ABCE1: variants seen among roughly 807,000 people sequenced by gnomAD.
The protein encoded by ABCE1 is ATP binding cassette subfamily E member 1.
In ABCE1, 22 loss-of-function variants were observed where a neutral mutation model predicts 83.4. The ratio of observed to expected loss-of-function variants is 0.26; its 90% CI spans 0.19 to 0.38. The LOEUF is 0.38. ABCE1 is among the 10% of genes least tolerant of loss of function. The probability of loss-of-function intolerance (pLI) is 1.00; values close to 1 mark genes in which losing one functional copy is unlikely to be tolerated. For missense variants in ABCE1, 330 were observed against 721.9 expected (o/e 0.46, Z 6.22); for synonymous variants, 204 against 233.7 (o/e 0.87, Z 1.16).
chr4:145,102,305 CTT>C, intron 1 of ABCE1, among the ~76,000 whole-genome samples: 1 of 152,132 alleles, frequency 6.6e-6, no homozygotes, highest in Non-Finnish European at 1.5e-5. Flanking sequence ...ATAAGCAACT[CTT>C]TGAAGTAGTC....
chr4:145,113,914 A>G (rs982666174), intron 9 of ABCE1, among the ~76,000 whole-genome samples: 1 of 152,154 alleles, frequency 6.6e-6, no homozygotes, highest in Admixed American at 6.6e-5. Flanking sequence ...TGTGGAAAGA[A>G]GGTTCAGAAA....
intron 1 of ABCE1, among the ~76,000 whole-genome samples, chr4:145,103,622 T>C (rs1749214288): frequency 1.3e-5 from 2 of 152,334 alleles, no homozygotes; most frequent in Non-Finnish European, 1.5e-5. Context: ...TATAGTCAGA[T>C]GTACACGACG....
chr4:145,111,579 G>A (rs571347926), intron 8 of ABCE1, among the ~76,000 whole-genome samples: 41 of 152,048 alleles, frequency 2.7e-4, no homozygotes, highest in African/African-American at 8.2e-4. Context: ...CACCCACCTC[G>A]GCCTCCCAAA....
intron 9 of ABCE1, among the ~76,000 whole-genome samples, chr4:145,116,676 T>C (rs188586891): frequency 1.8e-4 from 27 of 152,084 alleles, no homozygotes; most frequent in African/African-American, 6.5e-4. Flanking sequence ...ACTGTATCAC[T>C]TCATTCAAAT....
At chr4:145,110,852 T>C (rs1182135736) in intron 7 of ABCE1, 116 bp from the exon 8 acceptor site, 5 of 660,394 alleles carry the variant, frequency 7.6e-6, no homozygotes, top group Non-Finnish European at 1.3e-5. Flanking sequence ...GTAATTGTTA[T>C]ATTTAAACAA....
chr4:145,126,864 G>C (rs1749901727), intron 17 of ABCE1, among the ~76,000 whole-genome samples: 1 of 152,062 alleles, frequency 6.6e-6, no homozygotes, highest in African/African-American at 2.4e-5. Flanking sequence ...TCTTGGCCAG[G>C]ATAGAGAAAT....
At chr4:145,105,460 A>C (rs1388990595) in intron 2 of ABCE1, 145 bp from the exon 3 acceptor site, 3 of 545,626 alleles carry the variant, frequency 5.5e-6, no homozygotes, top group African/African-American at 3.9e-5. Context: ...TTAAGACATT[A>C]TCTCAAATGT....
intron 8 of ABCE1, among the ~76,000 whole-genome samples, 161 bp from the exon 9 acceptor site, chr4:145,112,078 C>T (rs1353648146): frequency 1.3e-5 from 2 of 152,154 alleles, no homozygotes; most frequent in African/African-American, 4.8e-5. Context: ...GAACAGAATA[C>T]AGAAATTTTT....
intron 17 of ABCE1, 29 bp from the exon 18 acceptor site, chr4:145,127,497 A>AT (rs1251817651): frequency 6.3e-7 from 1 of 1,577,340 alleles, no homozygotes; most frequent in African/African-American, 1.4e-5. Flanking sequence ...CGTGTTGCTG[A>AT]TTTTTGTGGC....
In ABCE1 at chr4:145,101,836, A is replaced by G. The variant is rs1749162625; in HGVS notation, c.-27-2550A>G. Among the ~76,000 whole-genome samples, 5 of 152,290 alleles carry G rather than the reference A, an allele frequency of 3.3e-5. No homozygotes were observed. The South Asian group carries it at 1.0e-3, about 32-fold the overall frequency. On this transcript the variant is annotated intron_variant, in intron 1 of 17. Transcript: ENST00000296577. The stretch of plus-strand genomic sequence containing the variant: ...GGAGCTTAGTTGGGAGATTCCTCTT[A>G]AGCCTTCCAGAGATGTTAGGTGGGC...
chr4:145,116,497 T>C (rs1749609588), intron 9 of ABCE1, among the ~76,000 whole-genome samples: 1 of 151,890 alleles, frequency 6.6e-6, no homozygotes, highest in African/African-American at 2.4e-5. Flanking sequence ...AATACAAATA[T>C]GGAGAATTTT....
chr4:145,109,982 A>G (rs1269736548), intron 5 of ABCE1, 121 bp from the exon 6 acceptor site: 2 of 880,478 alleles, frequency 2.3e-6, no homozygotes, highest in Non-Finnish European at 3.3e-6. Context: ...TTCGCCTCCA[A>G]CCTTAAGTTA....
intron 1 of ABCE1, among the ~76,000 whole-genome samples, chr4:145,099,573 T>C (rs1749058969): frequency 6.6e-6 from 1 of 152,194 alleles, no homozygotes; most frequent in African/African-American, 2.4e-5. Flanking sequence ...TGGAAGAGCA[T>C]CTAACAATTG....
At chr4:145,103,048 A>G (rs943623861) in intron 1 of ABCE1, among the ~76,000 whole-genome samples, 3 of 152,130 alleles carry the variant, frequency 2.0e-5, no homozygotes, top group African/African-American at 7.2e-5. Context: ...AAATCTTCAA[A>G]GAATGAAAGG....
At chr4:145,104,572 G>A in intron 2 of ABCE1, 57 bp downstream of exon 2, 2 of 1,168,376 alleles carry the variant, frequency 1.7e-6, no homozygotes, top group Non-Finnish European at 2.4e-6. Flanking sequence ...GAAATCAACT[G>A]GTTTGATAAT....
intron 5 of ABCE1, among the ~76,000 whole-genome samples, chr4:145,109,663 T>G (rs1382546468): frequency 6.6e-6 from 1 of 152,206 alleles, no homozygotes; most frequent in African/African-American, 2.4e-5. Context: ...ATATTTTTAT[T>G]TGTAGATATT....
intron 9 of ABCE1, 23 bp from the exon 10 acceptor site, chr4:145,117,270 C>T (rs995413363): frequency 1.3e-6 from 2 of 1,582,570 alleles, no homozygotes; most frequent in Non-Finnish European, 1.7e-6. Context: ...AGAGTTTTAA[C>T]TAAAATCTGG....
intron 17 of ABCE1, 88 bp downstream of exon 17, chr4:145,125,189 G>A: frequency 1.1e-6 from 1 of 950,128 alleles, no homozygotes; most frequent in Non-Finnish European, 1.6e-6. Context: ...ACATATGGCT[G>A]GGCACAGTGG....
chr4:145,110,860 C>T (rs769560390), intron 7 of ABCE1, 108 bp from the exon 8 acceptor site: 9 of 694,858 alleles, frequency 1.3e-5, no homozygotes, highest in Non-Finnish European at 2.2e-5. Context: ...TATATTTAAA[C>T]AATTTTCAAC....
Sources: allele counts gnomAD v4.1 joint callset (sites outside exome capture counted in the v4.1 genomes callset), GRCh38; gene constraint gnomAD v4.1.1; transcripts MANE v1.5; gene names NCBI Gene and HGNC (gene_info 2026-07-23, HGNC 2026-07-21).